FBXO40: variants seen among roughly 807,000 people sequenced by gnomAD.
The protein encoded by FBXO40 is F-box only protein 40.
Under a neutral mutation model 49.9 loss-of-function variants are expected in FBXO40, and 50 were observed. The observed-to-expected ratio is 1.00, with a 90% CI of 0.80 to 1.27. The LOEUF is 1.27. Among genes scored for constraint, FBXO40 ranks in the 50% most tolerant of loss-of-function variants. The pLI is 0.00. For missense variants in FBXO40, 895 were observed against 870.1 expected, an observed-to-expected ratio of 1.03 and a Z score of -0.36; for synonymous variants, 340 against 320.2, an observed-to-expected ratio of 1.06 and a Z score of -0.66.
chr3:121,612,681 A>C (rs2048972717), intron 1 of FBXO40, among the ~76,000 whole-genome samples: 1 of 152,160 alleles, frequency 6.6e-6, no homozygotes, highest in Non-Finnish European at 1.5e-5. Context: ...CTACAAAACA[A>C]ATCAAGCCGA....
intron 1 of FBXO40, among the ~76,000 whole-genome samples, chr3:121,609,160 G>T (rs7611277): frequency 3.6e-4 from 55 of 151,510 alleles, no homozygotes; most frequent in Non-Finnish European, 7.4e-4. Flanking sequence ...GGGTACCAGA[G>T]GTTAAGATGC....
rs145693847 is a variant in FBXO40, at chr3:121,626,855, G to A, written c.2075G>A (p.Arg692Gln). ...TSMCQPREQARESLVSTFRIR... is the reference protein window; with the variant it reads ...TSMCQPREQAQESLVSTFRIR... ...ATGTGTCAGCCCCGTGAGCAGGCCC[G>A]AGAGAGCTTAGTCTCCACCTTTAGA... is the stretch of plus-strand genomic sequence containing the variant. Residue 692 changes from arginine to glutamine, a missense_variant, in exon 4 of 4, where the codon CGA becomes CAA. By Grantham distance (43) the Arg-to-Gln change is conservative. Coordinates refer to ENST00000338040, the MANE Select transcript of FBXO40 (RefSeq NM_016298.4). The A allele has an allele frequency of 1.3e-4, 204 of 1,614,122 alleles. No homozygotes were observed. The East Asian group carries it at 3.4e-3, about 27-fold the overall frequency.
chr3:121,613,241 C>T (rs887467931), intron 1 of FBXO40, among the ~76,000 whole-genome samples: 4 of 152,140 alleles, frequency 2.6e-5, no homozygotes, highest in African/African-American at 9.7e-5. Flanking sequence ...CTGCCTCCAG[C>T]CGAGCTCCAC....
chr3:121,611,987 A>C (rs185733080), intron 1 of FBXO40, among the ~76,000 whole-genome samples: 24 of 152,348 alleles, frequency 1.6e-4, no homozygotes, highest in African/African-American at 5.3e-4. Flanking sequence ...ACAAATTAAC[A>C]ACATCTCAGC....
chr3:121,618,841 A>G (rs559148480), intron 1 of FBXO40, among the ~76,000 whole-genome samples: 1 of 152,068 alleles, frequency 6.6e-6, no homozygotes, highest in South Asian at 2.1e-4. Context: ...AATGTTAGCA[A>G]TTGTTGAATC....
rs747700660 is a variant in FBXO40, at chr3:121,623,053, A to G, written c.1624A>G (p.Thr542Ala). 1.2e-6 allele frequency: 2 copies of G among 1,614,062 alleles called. No individual in the cohort carries two copies. Among genetic ancestry groups the G allele is most frequent in the African/African-American group, 2.7e-5 (2 of 74,936 alleles). ...AGTAATCTATAGCCAGGAGCTCAAGACCTTTGCCATTAAGCCGGAGGTTGC... is the reference window on the plus strand; with the variant it reads ...AGTAATCTATAGCCAGGAGCTCAAGGCCTTTGCCATTAAGCCGGAGGTTGC... ...AKVIYSQELK[T>A]FAIKPEVAPE... Residue 542 changes from threonine to alanine, a missense_variant, in exon 3 of 4, where the codon ACC becomes GCC. Physicochemically the swap from Thr to Ala is moderately conservative, Grantham distance 58 (BLOSUM62 0). Coordinates refer to ENST00000338040, the MANE Select transcript of FBXO40 (RefSeq NM_016298.4).
At chr3:121,606,099 A>G (rs192181988) in intron 1 of FBXO40, among the ~76,000 whole-genome samples, 145 of 152,364 alleles carry the variant, frequency 9.5e-4, no homozygotes, top group African/African-American at 3.4e-3. Context: ...CATACCAGTA[A>G]AAGTAAAAGA....
chr3:121,611,931 T>C (rs892583416), intron 1 of FBXO40, among the ~76,000 whole-genome samples: 1 of 152,248 alleles, frequency 6.6e-6, no homozygotes. Context: ...ATACAACACA[T>C]GTTTTTGTGA....
chr3:121,610,010 T>C (rs2048956062), intron 1 of FBXO40, among the ~76,000 whole-genome samples: 1 of 152,218 alleles, frequency 6.6e-6, no homozygotes, highest in African/African-American at 2.4e-5. Context: ...GTGTCACTCT[T>C]AGGTCTGCTG....
chr3:121,618,773 C>A (rs1462403919), intron 1 of FBXO40, among the ~76,000 whole-genome samples: 1 of 150,330 alleles, frequency 6.7e-6, no homozygotes, highest in Non-Finnish European at 1.5e-5. Context: ...GGTTGGAGGG[C>A]AGGGAGAGAT....
chr3:121,608,277 T>C (rs2048942573), intron 1 of FBXO40, among the ~76,000 whole-genome samples: 1 of 152,188 alleles, frequency 6.6e-6, no homozygotes, highest in African/African-American at 2.4e-5. Flanking sequence ...TCCTTAGCAG[T>C]GAGAAGTCCC....
rs1274109014 is a variant in FBXO40, at chr3:121,604,962, AT to A, written c.-31+11463del. On this transcript the variant is annotated intron_variant, in intron 1 of 3. Transcript: ENST00000338040. ...TATTTATTTATTTATTTATTTATTT[AT>A]TTATTTATTTATTATTTATTTATTT... Among the ~76,000 whole-genome samples the A allele has an allele frequency of 1.5e-3, 218 of 146,208 alleles. 1 individual carries two copies. Among genetic ancestry groups the A allele is most frequent in the South Asian group, 2.3e-3 (11 of 4,726 alleles).
chr3:121,600,178 G>A (rs923371449), intron 1 of FBXO40, among the ~76,000 whole-genome samples: 9 of 143,194 alleles, frequency 6.3e-5, no homozygotes, highest in African/African-American at 2.1e-4. Context: ...CTACAGGCAT[G>A]TGTCACACTT....
intron 1 of FBXO40, among the ~76,000 whole-genome samples, chr3:121,596,707 G>A (rs925562086): frequency 3.3e-5 from 5 of 152,006 alleles, no homozygotes; most frequent in African/African-American, 1.2e-4. Flanking sequence ...TATAAATCCA[G>A]CCCACTGAGG....
At chr3:121,595,246 C>T (rs1277267702) in intron 1 of FBXO40, among the ~76,000 whole-genome samples, 1 of 152,192 alleles carries the variant, frequency 6.6e-6, no homozygotes, top group Non-Finnish European at 1.5e-5. Context: ...TGGGCACAAG[C>T]AAATTCACTG....
chr3:121,626,142 G>A (rs2049060606), intron 3 of FBXO40, among the ~76,000 whole-genome samples: 1 of 152,152 alleles, frequency 6.6e-6, no homozygotes, highest in South Asian at 2.1e-4. Flanking sequence ...CTTCAGGTAA[G>A]GCTTGATCTA....
intron 1 of FBXO40, among the ~76,000 whole-genome samples, chr3:121,602,533 C>T (rs1490884879): frequency 6.6e-6 from 1 of 152,198 alleles, no homozygotes; most frequent in Non-Finnish European, 1.5e-5. Flanking sequence ...GTGATTCTCC[C>T]TTTGTAATGT....
chr3:121,599,226 G>A (rs953092170), intron 1 of FBXO40, among the ~76,000 whole-genome samples: 2 of 152,144 alleles, frequency 1.3e-5, no homozygotes, highest in Admixed American at 6.5e-5. Context: ...CTAGCACGTT[G>A]GGAGGCCGAG....
intron 1 of FBXO40, among the ~76,000 whole-genome samples, chr3:121,600,041 T>C (rs1323480856): frequency 6.7e-6 from 1 of 149,514 alleles, no homozygotes; most frequent in Non-Finnish European, 1.5e-5. Flanking sequence ...CATATATATA[T>C]ACACACACAC....
Sources: gnomAD v4.1 joint callset for allele counts (sites outside exome capture counted in the v4.1 genomes callset) on GRCh38, gnomAD v4.1.1 for gene constraint, MANE v1.5 for transcripts, NCBI Gene and HGNC (gene_info 2026-07-23, HGNC 2026-07-21) for gene names.